Variants in TMC5 observed in about 807,000 individuals in gnomAD.
TMC5 encodes the protein transmembrane channel-like protein 5.
A neutral mutation model predicts 110.5 loss-of-function variants in TMC5; 86 were observed. The ratio of observed to expected loss-of-function variants is 0.78; its 90% CI spans 0.65 to 0.93. TMC5 has a LOEUF of 0.93. TMC5 is among the 40% of genes least tolerant of loss of function. TMC5 has a pLI of 0.00. For synonymous variants in TMC5, 455 were observed against 439.5 expected (o/e 1.04, Z -0.44); for missense variants, 1,144 against 1,222.8 (o/e 0.94, Z 0.96).
chr16:19,466,372 G>A (rs1201260485), intron 9 of TMC5, 139 bp downstream of exon 9: 1 of 956,548 alleles, frequency 1.0e-6, no homozygotes, highest in Non-Finnish European at 1.5e-6. Flanking sequence ...TTCTTTCTTA[G>A]ATAGAGTCTC....
At chr16:19,438,425 A>AGAAAG (rs1967401363) in intron 2 of TMC5, among the ~76,000 whole-genome samples, 1 of 88,430 alleles carries the variant, frequency 1.1e-5, no homozygotes, top group Non-Finnish European at 2.3e-5. Context: ...AGAAAAGAAA[A>AGAAAG]AGAAAGAAAG....
chr16:19,430,225 G>C (rs147481677), intron 1 of TMC5, among the ~76,000 whole-genome samples, 188 bp from the exon 2 acceptor site: 1 of 152,342 alleles, frequency 6.6e-6, no homozygotes, highest in Non-Finnish European at 1.5e-5. Flanking sequence ...AAAAAGATTA[G>C]TATGAGTTAA....
At chr16:19,412,347 C>T (rs575640541) in intron 1 of TMC5, among the ~76,000 whole-genome samples, 2 of 151,760 alleles carry the variant, frequency 1.3e-5, no homozygotes, top group South Asian at 2.1e-4. Context: ...GCTGGGATTA[C>T]AGGCATGAGC....
At chr16:19,494,607 G>A (rs890610794) in intron 20 of TMC5, among the ~76,000 whole-genome samples, 12 of 152,288 alleles carry the variant, frequency 7.9e-5, no homozygotes, top group Admixed American at 7.8e-4. Flanking sequence ...AGGAGTTTGA[G>A]ACCAGCCTGG....
At position 19,469,718 on chromosome 16, in the gene TMC5, C is replaced by T; in HGVS notation, c.1675C>T (p.His559Tyr). The change falls in exon 10 of 22, where the codon CAC becomes TAC. Residue 559 changes from histidine (H) to tyrosine (Y), a missense_variant. His to Tyr is a moderately conservative substitution (Grantham distance 83). Coordinates refer to ENST00000542583, the MANE Select transcript of TMC5 (RefSeq NM_001261841.2). ...KYFRNNFINP[H>Y]IYSGGITKLI... ...TTTCCGGAACAACTTCATTAATCCC[C>T]ACATTTACTCCGGAGGGATCACCAA... The T allele has an allele frequency of 6.2e-7, 1 of 1,614,164 alleles. No individual in the cohort carries two copies. The highest frequency in any genetic ancestry group is 1.1e-5 in the South Asian group (1 of 91,090).
At chr16:19,479,382 G>A (rs544035843) in intron 13 of TMC5, 49 bp from the exon 14 acceptor site, 2 of 1,376,732 alleles carry the variant, frequency 1.5e-6, no homozygotes, top group South Asian at 1.2e-5. Context: ...GGAGAATTGA[G>A]CTGAGGCCAC....
chr16:19,452,806 G>A (rs2143525761), intron 5 of TMC5, among the ~76,000 whole-genome samples: 1 of 152,192 alleles, frequency 6.6e-6, no homozygotes, highest in Non-Finnish European at 1.5e-5. Context: ...TGAAATGAGG[G>A]AGAATTTCTT....
chr16:19,485,934 C>T (rs112018571), intron 15 of TMC5, among the ~76,000 whole-genome samples: 44 of 152,234 alleles, frequency 2.9e-4, no homozygotes, highest in African/African-American at 1.0e-3. Flanking sequence ...CCTTGAATAC[C>T]ATGGGGGAGG....
intron 15 of TMC5, among the ~76,000 whole-genome samples, chr16:19,483,688 G>A (rs935703442): frequency 1.1e-4 from 17 of 152,052 alleles, no homozygotes; most frequent in African/African-American, 3.6e-4. Context: ...TGACACACAA[G>A]AATTGCTTGA....
chr16:19,476,207 C>T (rs1968484838), intron 12 of TMC5, among the ~76,000 whole-genome samples: 2 of 151,940 alleles, frequency 1.3e-5, no homozygotes, highest in Admixed American at 6.6e-5. Flanking sequence ...ATTAGTCAGG[C>T]ATGGTGGATT....
At chr16:19,452,452 C>G (rs1162871217) in intron 5 of TMC5, among the ~76,000 whole-genome samples, 2 of 151,588 alleles carry the variant, frequency 1.3e-5, no homozygotes, top group Non-Finnish European at 2.9e-5. Flanking sequence ...CATGGTGGCT[C>G]TCACCTGCAA....
chr16:19,488,024 G>A (rs959851043), intron 17 of TMC5: 2 of 152,638 alleles, frequency 1.3e-5, no homozygotes, highest in Non-Finnish European at 2.9e-5. Flanking sequence ...GATCCGCCCT[G>A]AGTTGTCTGG....
rs1464556724 is a variant in TMC5, at chr16:19,462,502, G to C, written c.1149-778G>C. The C allele has an allele frequency of 2.9e-6, 2 of 701,708 alleles. 1 individual carries two copies. The allele number at this position is 701,708 out of a possible 1,614,324, so 43.5% of individuals were successfully genotyped here. A position where few individuals can be genotyped will look rare whatever the true frequency, so the allele number is the denominator to read the frequency against. On this transcript the variant is annotated intron_variant, in intron 6 of 21. Transcript: ENST00000542583. ...TTTAATGGACTCACTGTTCCACACA[G>C]CAGGGGAGGCCTCACAATCACGACA...
upstream of TMC5, among the ~76,000 whole-genome samples, chr16:19,412,938 G>A (rs1351615050): frequency 2.6e-5 from 4 of 152,210 alleles, no homozygotes; most frequent in South Asian, 2.1e-4. Flanking sequence ...TTAAAGTCAC[G>A]GCTCAAGCGA....
chr16:19,426,451 G>A (rs1311862562), intron 1 of TMC5, among the ~76,000 whole-genome samples: 1 of 152,188 alleles, frequency 6.6e-6, no homozygotes, highest in African/African-American at 2.4e-5. Context: ...TGACAGTGGG[G>A]AAGGGAAGAG....
intron 8 of TMC5, 104 bp downstream of exon 8, chr16:19,464,128 C>A: frequency 7.6e-7 from 1 of 1,308,232 alleles, no homozygotes; most frequent in South Asian, 1.4e-5. Context: ...GCCTGGGGGT[C>A]AACTGATGGG....
upstream of TMC5, among the ~76,000 whole-genome samples, chr16:19,413,216 A>C (rs1416088047): frequency 6.6e-6 from 1 of 152,062 alleles, no homozygotes; most frequent in Non-Finnish European, 1.5e-5. Context: ...GGTAGGACAA[A>C]TGCTGCCTTT....
At chr16:19,419,703 C>T (rs573314725) in intron 1 of TMC5, among the ~76,000 whole-genome samples, 1 of 151,944 alleles carries the variant, frequency 6.6e-6, no homozygotes, top group African/African-American at 2.4e-5. Context: ...TGAGCCACCG[C>T]GCCGGGCCAC....
chr16:19,450,423 G>C (rs4782249), intron 5 of TMC5, among the ~76,000 whole-genome samples: 116,690 of 152,214 alleles, frequency 0.77, 44,957 homozygotes, highest in South Asian at 0.89. Flanking sequence ...CTCAGTCTGA[G>C]GTCAGGGAAC....
Sources: allele counts gnomAD v4.1 joint callset (sites outside exome capture counted in the v4.1 genomes callset), GRCh38; gene constraint gnomAD v4.1.1; transcripts MANE v1.5; gene names NCBI Gene and HGNC (gene_info 2026-07-23, HGNC 2026-07-21).